The following ARSB variants were observed in gnomAD, a reference collection of about 807,000 sequenced individuals.
ARSB encodes N-acetylgalactosamine-4-sulfatase.
A neutral mutation model predicts 50.9 loss-of-function variants in ARSB; 41 were observed. That is an observed-to-expected ratio of 0.81 (90% CI 0.63 to 1.04). The LOEUF is 1.04. ARSB is among the 50% of genes least tolerant of loss of function. The pLI, the probability that ARSB is intolerant of heterozygous loss-of-function variation, is 0.00. For missense variants in ARSB, 672 were observed against 693.3 expected, an observed-to-expected ratio of 0.97 and a Z score of 0.35; for synonymous variants, 269 against 284.8, an observed-to-expected ratio of 0.94 and a Z score of 0.56.
At chr5:78,928,449 G>C (rs1408287103) in intron 4 of ARSB, among the ~76,000 whole-genome samples, 1 of 151,198 alleles carries the variant, frequency 6.6e-6, no homozygotes, top group Non-Finnish European at 1.5e-5. Flanking sequence ...TGAGTAGCTG[G>C]GACTACAGGG....
At chr5:78,937,955 C>G (rs1750714894) in intron 4 of ARSB, among the ~76,000 whole-genome samples, 1 of 152,132 alleles carries the variant, frequency 6.6e-6, no homozygotes, top group African/African-American at 2.4e-5. Context: ...GTAAAAGAAT[C>G]AAATGTCCAT....
intron 4 of ARSB, among the ~76,000 whole-genome samples, chr5:78,889,772 C>T (rs1056628677): frequency 2.6e-5 from 4 of 152,214 alleles, no homozygotes; most frequent in African/African-American, 9.7e-5. Context: ...ATGACAACAG[C>T]ATTAATTTTT....
At chr5:78,843,235 A>C (rs956887988) in intron 5 of ARSB, among the ~76,000 whole-genome samples, 2 of 152,218 alleles carry the variant, frequency 1.3e-5, no homozygotes, top group Admixed American at 1.3e-4. Context: ...AATGGGGCCC[A>C]ATAATCTGCA....
At chr5:78,959,239 T>G (rs551578602) in intron 3 of ARSB, among the ~76,000 whole-genome samples, 1 of 152,272 alleles carries the variant, frequency 6.6e-6, no homozygotes, top group African/African-American at 2.4e-5. Flanking sequence ...ACTTGTTTGC[T>G]TCCCCTTCCA....
At chr5:78,968,918 G>C in intron 2 of ARSB, 88 bp downstream of exon 2, 1 of 1,433,928 alleles carries the variant, frequency 7.0e-7, no homozygotes, top group Non-Finnish European at 9.8e-7. Flanking sequence ...CAAATATCCA[G>C]TTCTTTCATT....
At chr5:78,816,092 C>G (rs1391117942) in intron 6 of ARSB, 14 of 1,614,166 alleles carry the variant, frequency 8.7e-6, no homozygotes, top group Non-Finnish European at 1.2e-5. Context: ...GTAGCTACAA[C>G]AGCAGCGAGC....
intron 5 of ARSB, among the ~76,000 whole-genome samples, chr5:78,861,627 C>G (rs1257477971): frequency 2.0e-5 from 3 of 152,168 alleles, no homozygotes; most frequent in African/African-American, 7.2e-5. Context: ...ACAATAAGAG[C>G]TATCTATGAC....
chr5:78,897,408 G>A (rs1301340805), intron 4 of ARSB, among the ~76,000 whole-genome samples: 1 of 152,138 alleles, frequency 6.6e-6, no homozygotes, highest in Non-Finnish European at 1.5e-5. Context: ...GCCAGAGATA[G>A]GTAGTGACCT....
At chr5:78,916,537 A>G (rs1393907425) in intron 4 of ARSB, among the ~76,000 whole-genome samples, 1 of 152,214 alleles carries the variant, frequency 6.6e-6, no homozygotes, top group East Asian at 1.9e-4. Flanking sequence ...TCCCATCCCC[A>G]AAGACATCTT....
intron 6 of ARSB, among the ~76,000 whole-genome samples, chr5:78,819,315 T>C (rs546217011): frequency 6.6e-6 from 1 of 152,330 alleles, no homozygotes; most frequent in East Asian, 1.9e-4. Flanking sequence ...TCAAATTTGA[T>C]CTGTTCTCTG....
chr5:78,959,921 G>T (rs1344866329), intron 3 of ARSB, among the ~76,000 whole-genome samples: 1 of 152,200 alleles, frequency 6.6e-6, no homozygotes, highest in African/African-American at 2.4e-5. Context: ...GACCCTGCCT[G>T]TGAACAGCTG....
intron 6 of ARSB, among the ~76,000 whole-genome samples, chr5:78,800,346 A>G (rs1743342046): frequency 6.7e-6 from 1 of 149,950 alleles, no homozygotes; most frequent in South Asian, 2.1e-4. Context: ...AAGCAGCAGC[A>G]GCAGCAGCAA....
At chr5:78,828,802 G>C (rs1302845633) in intron 6 of ARSB, among the ~76,000 whole-genome samples, 1 of 152,134 alleles carries the variant, frequency 6.6e-6, no homozygotes, top group Non-Finnish European at 1.5e-5. Context: ...AGGTTACACG[G>C]CAAAGGGGCA....
intron 5 of ARSB, among the ~76,000 whole-genome samples, chr5:78,862,191 C>T (rs563768802): frequency 3.9e-4 from 60 of 152,192 alleles, no homozygotes; most frequent in Non-Finnish European, 7.1e-4. Context: ...CCATACTGCC[C>T]GAGGTAATTT....
At chr5:78,895,727 T>C (rs3869022) in intron 4 of ARSB, among the ~76,000 whole-genome samples, 8,520 of 152,298 alleles carry the variant, frequency 0.056, 814 homozygotes, top group African/African-American at 0.19. Flanking sequence ...CCTAGTAATT[T>C]TGTCACCCTG....
intron 5 of ARSB, among the ~76,000 whole-genome samples, chr5:78,872,006 G>T (rs910555098): frequency 4.6e-5 from 7 of 151,702 alleles, no homozygotes; most frequent in African/African-American, 1.7e-4. Flanking sequence ...GCGGGCGAAG[G>T]ACATGAACAG....
Position 78,931,078 on chromosome 5 carries a change from C to G in ARSB, c.898+24217G>C, listed in dbSNP as rs546210116. Among the ~76,000 whole-genome samples, 4 of 152,166 alleles carry G rather than the reference C, an allele frequency of 2.6e-5. No homozygotes were observed. In the South Asian group the frequency reaches 6.2e-4, roughly 24 times the overall value. On this transcript the variant is annotated intron_variant, in intron 4 of 7. Transcript: ENST00000264914. ...GACAGAATGCCAACAAAGGCTAGCC[C>G]GGGAAATCTCTCTCTCGTTTTCTGG... is the stretch of plus-strand genomic sequence containing the variant.
chr5:78,830,570 G>A (rs574237733), intron 6 of ARSB, among the ~76,000 whole-genome samples: 1 of 152,278 alleles, frequency 6.6e-6, no homozygotes, highest in South Asian at 2.1e-4. Flanking sequence ...AAGCCAGGAT[G>A]CCAGCACCAA....
intron 6 of ARSB, among the ~76,000 whole-genome samples, chr5:78,811,611 C>T (rs1419210472): frequency 6.6e-6 from 1 of 152,202 alleles, no homozygotes; most frequent in Non-Finnish European, 1.5e-5. Flanking sequence ...ACCTTTTAAA[C>T]ATTTGCATCT....
Sources: gnomAD v4.1 joint callset for allele counts (sites outside exome capture counted in the v4.1 genomes callset) on GRCh38, gnomAD v4.1.1 for gene constraint, MANE v1.5 for transcripts, NCBI Gene and HGNC (gene_info 2026-07-23, HGNC 2026-07-21) for gene names.